Variants in CFAP47 observed in about 807,000 individuals in gnomAD.
CFAP47 encodes cilia and flagella associated protein 47, also known as cilia- and flagella-associated protein 47.
In CFAP47, 29 loss-of-function variants were observed where a neutral mutation model predicts 148.1. The observed-to-expected ratio is 0.20, with a 90% CI of 0.15 to 0.27. The LOEUF is 0.27. CFAP47 is among the 10% of genes least tolerant of loss of function. CFAP47 has a pLI of 1.00. For missense variants in CFAP47, 1,872 were observed against 1,697.5 expected (o/e 1.10, Z -1.81); for synonymous variants, 664 against 577.3 (o/e 1.15, Z -2.15).
chrX:35,937,818 T>A (rs1295384070), intron 2 of CFAP47, among the ~76,000 whole-genome samples: 1 of 111,208 alleles, frequency 9.0e-6, no homozygotes, highest in Non-Finnish European at 1.9e-5. Context: ...TGTATATGGA[T>A]CAGACATGTA....
At chrX:36,167,992 A>G (rs919202687) in intron 39 of CFAP47, among the ~76,000 whole-genome samples, 4 of 108,650 alleles carry the variant, frequency 3.7e-5, no homozygotes. Flanking sequence ...TTGGTCTTAA[A>G]TATTATTTTA....
At chrX:35,988,438 G>A (rs1257184932) in intron 15 of CFAP47, among the ~76,000 whole-genome samples, 1 of 111,353 alleles carries the variant, frequency 9.0e-6, no homozygotes, top group Admixed American at 9.5e-5. Context: ...TGCTTTCCAG[G>A]CATCATACAC....
At chrX:35,921,788 G>A (rs892606478) in intron 1 of CFAP47, among the ~76,000 whole-genome samples, 20 of 105,022 alleles carry the variant, frequency 1.9e-4, no homozygotes, top group Non-Finnish European at 3.6e-4. Context: ...TTGTTGGGGT[G>A]GGGGATAAGA....
intron 2 of CFAP47, among the ~76,000 whole-genome samples, chrX:35,938,416 A>C (rs901873931): frequency 9.0e-5 from 10 of 111,668 alleles, no homozygotes; most frequent in Non-Finnish European, 1.9e-4. Context: ...TCATAAATCC[A>C]TGCATATTTT....
Position 36,232,531 on chromosome X carries a change from T to C in CFAP47, c.7015-3403T>C, listed in dbSNP as rs782463185. Among the ~76,000 whole-genome samples the C allele has an allele frequency of 8.8e-3, 989 of 111,926 alleles. 13 individuals carry two copies. The highest frequency in any genetic ancestry group is 0.03 in the African/African-American group (928 of 30,770). On this transcript the variant is annotated intron_variant, in intron 46 of 63. Coordinates refer to ENST00000378653, the MANE Select transcript of CFAP47 (RefSeq NM_001304548.2). Reference sequence around the variant, plus strand: ...TTTTCTTTATTAGTCTTGCTAGTGGTCTATCAATTTTGTTGATCCTTTCAA... The same window carrying C: ...TTTTCTTTATTAGTCTTGCTAGTGGCCTATCAATTTTGTTGATCCTTTCAA...
intron 60 of CFAP47, among the ~76,000 whole-genome samples, chrX:36,355,201 G>A (rs1318007142): frequency 9.1e-6 from 1 of 110,235 alleles, no homozygotes; most frequent in Non-Finnish European, 1.9e-5. Flanking sequence ...CATGGCTAAC[G>A]TCAAAAAAAA....
At chrX:36,249,362 A>G (rs1940662942) in intron 48 of CFAP47, among the ~76,000 whole-genome samples, 2 of 111,295 alleles carry the variant, frequency 1.8e-5, no homozygotes, top group Admixed American at 9.6e-5. Context: ...TACCTGAAGA[A>G]ATAATAATTA....
intron 17 of CFAP47, among the ~76,000 whole-genome samples, chrX:35,992,188 A>G (rs1936797253): frequency 9.0e-6 from 1 of 110,794 alleles, no homozygotes; most frequent in African/African-American, 3.3e-5. Context: ...TTTATTGAAA[A>G]AATAGATGTT....
intron 57 of CFAP47, among the ~76,000 whole-genome samples, chrX:36,340,421 T>A (rs1192391700): frequency 8.9e-6 from 1 of 112,013 alleles, no homozygotes; most frequent in Non-Finnish European, 1.9e-5. Context: ...GTGACTTAAA[T>A]GAAATTTACT....
At chrX:36,192,300 A>G (rs888224628) in intron 42 of CFAP47, among the ~76,000 whole-genome samples, 2 of 111,516 alleles carry the variant, frequency 1.8e-5, no homozygotes, top group African/African-American at 6.5e-5. Flanking sequence ...TTGCTCCAAC[A>G]TGGAATGGAG....
At chrX:36,069,279 G>A (rs939598179) in intron 27 of CFAP47, among the ~76,000 whole-genome samples, 1 of 111,165 alleles carries the variant, frequency 9.0e-6, no homozygotes, top group Non-Finnish European at 1.9e-5. Context: ...CAAATACATG[G>A]AAATTATTGT....
At position 35,956,179 on chromosome X, in the gene CFAP47, A is replaced by G; in HGVS notation, c.1393A>G (p.Thr465Ala). Residue 465 changes from threonine to alanine, a missense_variant, in exon 8 of 64, where the codon ACT becomes GCT. Thr to Ala is a moderately conservative substitution (Grantham distance 58). Coordinates refer to ENST00000378653, the MANE Select transcript of CFAP47 (RefSeq NM_001304548.2). ...FEIDPEKGKITGGGMVDVMCS... is the reference protein window; with the variant it reads ...FEIDPEKGKIAGGGMVDVMCS... Reference sequence around the variant, plus strand: ...AATTGATCCTGAAAAGGGCAAGATTACTGGAGGGGGTATGGTGGTAAGATA... The same window carrying G: ...AATTGATCCTGAAAAGGGCAAGATTGCTGGAGGGGGTATGGTGGTAAGATA... 1 of 1,205,323 alleles carries G rather than the reference A, an allele frequency of 8.3e-7. No individual in the cohort carries two copies. The highest frequency in any genetic ancestry group is 1.1e-6 in the Non-Finnish European group (1 of 889,509).
chrX:36,178,993 C>T (rs1939718745), intron 39 of CFAP47, among the ~76,000 whole-genome samples: 2 of 112,118 alleles, frequency 1.8e-5, no homozygotes, highest in Admixed American at 1.9e-4. Flanking sequence ...AATTATGAAA[C>T]GTGTACAGCT....
intron 51 of CFAP47, among the ~76,000 whole-genome samples, chrX:36,288,177 T>G (rs1457527417): frequency 4.5e-5 from 5 of 112,175 alleles, no homozygotes; most frequent in Non-Finnish European, 7.5e-5. Context: ...TAAGAAATAC[T>G]TACAGTCTTG....
At chrX:35,937,121 T>G (rs928232956) in intron 2 of CFAP47, among the ~76,000 whole-genome samples, 2 of 78,184 alleles carry the variant, frequency 2.6e-5, no homozygotes, top group Admixed American at 1.5e-4. Flanking sequence ...TTTTTTTTTT[T>G]TTTTTTTTTT....
intron 22 of CFAP47, among the ~76,000 whole-genome samples, chrX:36,026,719 C>T (rs930218750): frequency 9.1e-6 from 1 of 110,196 alleles, no homozygotes; most frequent in African/African-American, 3.3e-5. Context: ...ATGTCAAAGG[C>T]CTTCTTCTTA....
rs996543447 is a variant in CFAP47, at chrX:36,060,971, C to G, written c.4218-4672C>G. ...TTAGAAATAAATAAATAAGTCCAGA[C>G]TTTGCGATATGGTTTGGATTAGTGT... On this transcript the variant is annotated intron_variant, in intron 26 of 63. Transcript: ENST00000378653. Among the ~76,000 whole-genome samples, 3 of 111,562 alleles carry G rather than the reference C, an allele frequency of 2.7e-5. No individual in the cohort carries two copies. In the Admixed American group the frequency reaches 2.9e-4, roughly 11 times the overall value.
chrX:36,054,997 C>A (rs1937543168), intron 26 of CFAP47, among the ~76,000 whole-genome samples: 1 of 109,734 alleles, frequency 9.1e-6, no homozygotes, highest in African/African-American at 3.3e-5. Flanking sequence ...TGGTCTCGAT[C>A]TCCTGACCTC....
chrX:36,333,585 C>T (rs1379574597), intron 57 of CFAP47, among the ~76,000 whole-genome samples: 1 of 111,481 alleles, frequency 9.0e-6, no homozygotes, highest in Non-Finnish European at 1.9e-5. Flanking sequence ...TCTTAAAATC[C>T]TTGTTGACGT....
Sources: gnomAD v4.1 joint callset for allele counts (sites outside exome capture counted in the v4.1 genomes callset) on GRCh38, gnomAD v4.1.1 for gene constraint, MANE v1.5 for transcripts, NCBI Gene and HGNC (gene_info 2026-07-23, HGNC 2026-07-21) for gene names.